The following RARB variants were observed in gnomAD, a reference collection of about 807,000 sequenced individuals.
The protein encoded by RARB is retinoic acid receptor beta.
Under a neutral mutation model 51.9 loss-of-function variants are expected in RARB, and 17 were observed. The observed-to-expected ratio is 0.33, with a 90% CI of 0.22 to 0.49. RARB has a LOEUF of 0.49. Among genes scored for constraint, RARB ranks in the 20% least tolerant of loss-of-function variants. The pLI is 0.99. For missense variants in RARB, 369 were observed against 550.8 expected (o/e 0.67, Z 3.30); for synonymous variants, 215 against 195.4 (o/e 1.10, Z -0.84).
At chr3:25,213,767 AT>A (rs1559508509) in intron 5 of RARB, among the ~76,000 whole-genome samples, 2 of 152,222 alleles carry the variant, frequency 1.3e-5, no homozygotes, top group African/African-American at 2.4e-5. Context: ...TTCACCAAAG[AT>A]GTCAAACTAT....
intron 2 of RARB, among the ~76,000 whole-genome samples, chr3:24,859,189 A>G (rs1468640084): frequency 6.6e-6 from 1 of 152,158 alleles, no homozygotes; most frequent in East Asian, 1.9e-4. Flanking sequence ...GTTTCTTGCC[A>G]GGAAGAGCGG....
At chr3:25,301,059 T>C (rs1367517091) in intron 5 of RARB, among the ~76,000 whole-genome samples, 2 of 152,218 alleles carry the variant, frequency 1.3e-5, no homozygotes, top group Non-Finnish European at 2.9e-5. Context: ...AATGAGTTTG[T>C]TGGGATGTAA....
At chr3:25,290,637 C>T (rs1041837707) in intron 5 of RARB, among the ~76,000 whole-genome samples, 2 of 152,162 alleles carry the variant, frequency 1.3e-5, no homozygotes, top group African/African-American at 2.4e-5. Flanking sequence ...AAAGTGGGTA[C>T]ATGGTAAAAA....
At chr3:25,461,761 G>A (rs565814420) in intron 2 of RARB, among the ~76,000 whole-genome samples, 2 of 152,152 alleles carry the variant, frequency 1.3e-5, no homozygotes, top group Non-Finnish European at 2.9e-5. Flanking sequence ...AGGCGTGAGT[G>A]GCTGGTACAT....
At chr3:25,425,213 C>T (rs192450910), upstream of RARB, among the ~76,000 whole-genome samples, 238 of 152,260 alleles carry the variant, frequency 1.6e-3, no homozygotes, top group African/African-American at 5.1e-3. Context: ...CATTTCATTA[C>T]GGACAAATCG....
At chr3:25,337,925 C>T (rs573781848) in intron 5 of RARB, among the ~76,000 whole-genome samples, 1 of 151,998 alleles carries the variant, frequency 6.6e-6, no homozygotes. Context: ...TTTAGTTGAA[C>T]TAAGTTTACC....
intron 2 of RARB, among the ~76,000 whole-genome samples, chr3:24,942,308 G>A (rs1399659607): frequency 2.6e-5 from 4 of 152,266 alleles, no homozygotes; most frequent in East Asian, 1.9e-4. Flanking sequence ...TGGGAGGATG[G>A]CATCATCTAG....
At chr3:25,344,971 A>G (rs534489941) in intron 5 of RARB, among the ~76,000 whole-genome samples, 1 of 152,216 alleles carries the variant, frequency 6.6e-6, no homozygotes, top group African/African-American at 2.4e-5. Context: ...GTATACATTT[A>G]TGGTCTTAAG....
chr3:25,009,954 T>G (rs1179672911), intron 2 of RARB, among the ~76,000 whole-genome samples: 1 of 152,114 alleles, frequency 6.6e-6, no homozygotes, highest in Non-Finnish European at 1.5e-5. Flanking sequence ...CAAAGCTGTT[T>G]CTTATTTTAT....
intron 4 of RARB, among the ~76,000 whole-genome samples, chr3:25,149,211 G>C (rs1291825677): frequency 6.6e-6 from 1 of 152,108 alleles, no homozygotes; most frequent in Non-Finnish European, 1.5e-5. Context: ...ATATATAGTG[G>C]CATTACAATT....
At chr3:25,270,875 A>G (rs986195313) in intron 5 of RARB, among the ~76,000 whole-genome samples, 2 of 151,964 alleles carry the variant, frequency 1.3e-5, no homozygotes, top group African/African-American at 4.8e-5. Flanking sequence ...AATGGCAAAA[A>G]CCGCAAATAC....
At chr3:25,138,769 C>T (rs1700069006) in intron 4 of RARB, among the ~76,000 whole-genome samples, 1 of 152,032 alleles carries the variant, frequency 6.6e-6, no homozygotes, top group Non-Finnish European at 1.5e-5. Context: ...AATTAATTAA[C>T]ATTTAATAAG....
chr3:25,161,904 GAA>G (rs1700479062), intron 4 of RARB, among the ~76,000 whole-genome samples: 4 of 152,126 alleles, frequency 2.6e-5, no homozygotes, highest in African/African-American at 9.7e-5. Flanking sequence ...GCCTTCCAGG[GAA>G]AGAGGCTGCA....
At chr3:25,489,642 T>C (rs561950066) in intron 2 of RARB, among the ~76,000 whole-genome samples, 2 of 152,226 alleles carry the variant, frequency 1.3e-5, no homozygotes, top group Non-Finnish European at 2.9e-5. Context: ...CAACAGCATA[T>C]GCTGGTAGTG....
chr3:25,114,953 A>T (rs953751927), intron 3 of RARB, among the ~76,000 whole-genome samples: 14 of 152,350 alleles, frequency 9.2e-5, no homozygotes, highest in African/African-American at 3.4e-4. Context: ...AAGAAGTTTT[A>T]AGAGTACATT....
At chr3:25,373,446 G>C (rs7622538) in intron 5 of RARB, among the ~76,000 whole-genome samples, 139,533 of 152,114 alleles carry the variant, frequency 0.92, 64,170 homozygotes, top group East Asian at 1. Context: ...CAGACCCTTA[G>C]ACTTCTGAGA....
chr3:25,567,486 C>T (rs1421359697), intron 3 of RARB, among the ~76,000 whole-genome samples: 1 of 152,138 alleles, frequency 6.6e-6, no homozygotes, highest in African/African-American at 2.4e-5. Flanking sequence ...TAATTCATTC[C>T]TTTCTATGAC....
intron 3 of RARB, among the ~76,000 whole-genome samples, chr3:25,566,286 C>G (rs1219298124): frequency 2.6e-5 from 4 of 152,174 alleles, no homozygotes; most frequent in Admixed American, 6.5e-5. Context: ...GGCATCATCA[C>G]CAGAGGGGTT....
chr3:24,834,781 AT>A (rs1702321035), intron 1 of RARB, among the ~76,000 whole-genome samples: 1 of 152,198 alleles, frequency 6.6e-6, no homozygotes. Flanking sequence ...TGCAAGAAGA[AT>A]TTGTTCAATT....
Sources: allele counts gnomAD v4.1 joint callset (sites outside exome capture counted in the v4.1 genomes callset), GRCh38; gene constraint gnomAD v4.1.1; transcripts MANE v1.5; gene names NCBI Gene and HGNC (gene_info 2026-07-23, HGNC 2026-07-21).